DST: variants seen among roughly 807,000 people sequenced by gnomAD.
DST encodes dystonin, also known as bullous pemphigoid antigen.
Under a neutral mutation model 875.2 loss-of-function variants are expected in DST, and 253 were observed. That is an observed-to-expected ratio of 0.29 (90% CI 0.26 to 0.32). The LOEUF (loss-of-function observed/expected upper bound fraction) is 0.32. Among genes scored for constraint, DST ranks in the 10% least tolerant of loss-of-function variants. The pLI is 1.00. For missense variants in DST, 8,287 were observed against 9,111.6 expected (o/e 0.91, Z 3.68); for synonymous variants, 3,124 against 3,197.1 (o/e 0.98, Z 0.77).
chr6:56,691,010 T>C (rs2099224687), intron 9 of DST, among the ~76,000 whole-genome samples: 1 of 152,226 alleles, frequency 6.6e-6, no homozygotes, highest in Non-Finnish European at 1.5e-5. Flanking sequence ...TCAGGCTTTA[T>C]ATACATTGCA....
chr6:56,939,786 A>G lies in DST; in HGVS notation c.216+13999T>C, dbSNP rs1815353019. Among the ~76,000 whole-genome samples the G allele has an allele frequency of 1.3e-5, 2 of 152,118 alleles. 1 individual carries two copies. On this transcript the variant is annotated intron_variant, in intron 2 of 103. Coordinates refer to ENST00000680361, the MANE Select transcript of DST (RefSeq NM_001374736.1). ...ACGCCTGTAATCCCAGCACTTTGGG[A>G]GGCCGAGGCGGCTGGATCACTTGAG...
chr6:56,784,238 G>A (rs968290705), intron 4 of DST, among the ~76,000 whole-genome samples: 4 of 152,008 alleles, frequency 2.6e-5, no homozygotes, highest in South Asian at 4.1e-4. Context: ...TCTTTGTGGC[G>A]TTCTCTGTAT....
intron 3 of DST, among the ~76,000 whole-genome samples, chr6:56,860,512 G>GAAATGGAAGAA (rs1379015728): frequency 2.6e-5 from 4 of 152,170 alleles, no homozygotes; most frequent in African/African-American, 9.7e-5. Flanking sequence ...CAATGCCCAG[G>GAAATGGAAGAA]AAATGGAAGA....
intron 54 of DST, among the ~76,000 whole-genome samples, chr6:56,569,176 T>A (rs1472211858): frequency 2.6e-5 from 4 of 151,444 alleles, no homozygotes; most frequent in African/African-American, 9.7e-5. Context: ...ATACAAAAAA[T>A]TAGCTGGGCG....
intron 9 of DST, among the ~76,000 whole-genome samples, chr6:56,685,696 G>A (rs561197415): frequency 6.6e-6 from 1 of 152,180 alleles, no homozygotes; most frequent in African/African-American, 2.4e-5. Flanking sequence ...CACTTGAAGA[G>A]CAGAGATCAC....
intron 61 of DST, among the ~76,000 whole-genome samples, chr6:56,539,390 G>T (rs1388232987): frequency 5.3e-5 from 8 of 152,034 alleles, no homozygotes; most frequent in African/African-American, 1.9e-4. Flanking sequence ...GCCATTTACT[G>T]CATGTCTAAG....
chr6:56,830,612 A>G (rs556041265), intron 4 of DST, among the ~76,000 whole-genome samples: 2 of 152,340 alleles, frequency 1.3e-5, no homozygotes, highest in Admixed American at 6.5e-5. Flanking sequence ...TCTAATTTTA[A>G]GAGCCACTTC....
At chr6:56,641,202 T>C (rs1015022323) in intron 17 of DST, among the ~76,000 whole-genome samples, 2 of 151,820 alleles carry the variant, frequency 1.3e-5, no homozygotes, top group African/African-American at 2.4e-5. Context: ...TTCTCAGTGA[T>C]AAAGGTTTTT....
chr6:56,543,158 C>T (rs777684203), intron 61 of DST, among the ~76,000 whole-genome samples: 2 of 152,186 alleles, frequency 1.3e-5, no homozygotes, highest in East Asian at 1.9e-4. Context: ...GTCCAGAGAC[C>T]GCACTCATTT....
Position 56,608,165 on chromosome 6 carries a change from C to A in DST, c.6463G>T (p.Ala2155Ser). The change falls in exon 40 of 104, where the codon GCT (alanine) becomes TCT (serine). Residue 2155 changes from alanine (A) to serine (S), a missense_variant. Around this residue, in one of 10 missense-constraint regions of DST, gnomAD observed 3,138 missense variants for 3,116.6 expected, o/e 1.01. Coordinates refer to ENST00000680361, the MANE Select transcript of DST (RefSeq NM_001374736.1). The part of the protein sequence containing the change: ...DKMPDLGDLE[A>S]CKNARRWLSF... Reference sequence around the variant, plus strand: ...AGCCATCTTCTGGCATTTTTACAAGCTTCTAAATCTCCTAAATCTGGCATT... The same window carrying A: ...AGCCATCTTCTGGCATTTTTACAAGATTCTAAATCTCCTAAATCTGGCATT... 1 of 1,613,700 alleles carries A rather than the reference C, an allele frequency of 6.2e-7. No homozygotes were observed. The highest frequency in any genetic ancestry group is 8.5e-7 in the Non-Finnish European group (1 of 1,179,738).
chr6:56,774,007 G>A (rs1042890392), intron 4 of DST, among the ~76,000 whole-genome samples: 5 of 151,938 alleles, frequency 3.3e-5, no homozygotes, highest in African/African-American at 1.2e-4. Context: ...CCAGCTACCT[G>A]GGAGGCTGAG....
intron 49 of DST, among the ~76,000 whole-genome samples, chr6:56,579,798 T>C (rs1465766444): frequency 6.6e-6 from 1 of 152,210 alleles, no homozygotes; most frequent in Non-Finnish European, 1.5e-5. Context: ...GGAGTTTACA[T>C]TTTATCCCAT....
At chr6:56,518,378 A>T (rs1182770946) in intron 69 of DST, among the ~76,000 whole-genome samples, 1 of 152,152 alleles carries the variant, frequency 6.6e-6, no homozygotes, top group African/African-American at 2.4e-5. Flanking sequence ...AGAGAGAAAG[A>T]TTTGTAAAAA....
rs972826018 is a variant in DST, at chr6:56,573,585, T to C, written c.13236+94A>G. On this transcript the variant is annotated intron_variant, in intron 51 of 103. Transcript: ENST00000680361. The stretch of plus-strand genomic sequence containing the variant: ...ATTCAGTAAATGTCTCTTTTTTGTG[T>C]CCTTAAGTTTATCTTAAATCTAACT... 7 of 900,518 alleles carry C rather than the reference T, an allele frequency of 7.8e-6. No individual in the cohort carries two copies. The South Asian group carries it at 1.2e-4, about 15-fold the overall frequency. 55.8% of individuals were successfully genotyped at this position (900,518 alleles called of 1,614,324 possible).
intron 4 of DST, among the ~76,000 whole-genome samples, chr6:56,842,624 TAAGG>T (rs2099801626): frequency 2.6e-5 from 4 of 152,176 alleles, no homozygotes; most frequent in Non-Finnish European, 5.9e-5. Flanking sequence ...AAGATCATTT[TAAGG>T]AAAATGATCT....
rs9475741 is a variant in DST at position 56,882,173 on chromosome 6, G to A, written c.417+18248C>T. On this transcript the variant is annotated intron_variant, in intron 3 of 103. Transcript: ENST00000680361. Reference sequence around the variant, plus strand: ...GTTCAAGAGAAATGGTTGTCCTGATGGCCAAGAAAAATAGGCTCATTTTCA... The same window carrying A: ...GTTCAAGAGAAATGGTTGTCCTGATAGCCAAGAAAAATAGGCTCATTTTCA... Among the ~76,000 whole-genome samples the A allele has an allele frequency of 5.2e-3, 792 of 152,278 alleles. 7 individuals carry two copies. The highest frequency in any genetic ancestry group is 0.018 in the African/African-American group (760 of 41,550).
At chr6:56,924,643 C>T (rs1458481983) in intron 2 of DST, among the ~76,000 whole-genome samples, 1 of 152,034 alleles carries the variant, frequency 6.6e-6, no homozygotes, top group African/African-American at 2.4e-5. Flanking sequence ...GGAAATTTTA[C>T]CAAGGCAATA....
rs76577502 is a variant in DST, at chr6:56,475,943, A to T, written c.21864+206T>A. 5.1e-4 allele frequency among the ~76,000 whole-genome samples: 78 copies of T among 152,298 alleles called. No individual in the cohort carries two copies. In the East Asian group the frequency reaches 0.013, roughly 26 times the overall value. ...AGTGTAACCCCACAGAGGACAAAGA[A>T]GGAAAGTTTTGCAAAGGTCACAGAG... On this transcript the variant is annotated intron_variant, in intron 92 of 103. Coordinates refer to ENST00000680361, the MANE Select transcript of DST (RefSeq NM_001374736.1).
At chr6:56,581,212 T>G (rs955334942) in intron 49 of DST, among the ~76,000 whole-genome samples, 26 of 151,648 alleles carry the variant, frequency 1.7e-4, no homozygotes, top group African/African-American at 5.1e-4. Context: ...GAAACAGACA[T>G]AGAGAATTGG....
Sources: allele counts gnomAD v4.1 joint callset (sites outside exome capture counted in the v4.1 genomes callset), GRCh38; gene constraint gnomAD v4.1.1; regional missense constraint gnomAD v4.1.1; transcripts MANE v1.5; gene names NCBI Gene and HGNC (gene_info 2026-07-23, HGNC 2026-07-21).